Variants in EPB41L2 observed in about 807,000 individuals in gnomAD.
EPB41L2 encodes the protein erythrocyte membrane protein band 4.1 like 2.
In EPB41L2, 43 loss-of-function variants were observed where a neutral mutation model predicts 113.0. That is an observed-to-expected ratio of 0.38 (90% confidence interval 0.30 to 0.49). The LOEUF is 0.49. Ranked by LOEUF, EPB41L2 falls within the 20% of genes least tolerant of loss-of-function variation. The pLI is 0.95. For missense variants in EPB41L2, 1,147 were observed against 1,223.4 expected, an observed-to-expected ratio of 0.94 and a Z score of 0.93; for synonymous variants, 442 against 436.7, an observed-to-expected ratio of 1.01 and a Z score of -0.15.
intron 3 of EPB41L2, among the ~76,000 whole-genome samples, chr6:130,929,881 A>ACACACACACACACACACACACACACG: frequency 6.8e-6 from 1 of 147,944 alleles, no homozygotes; most frequent in South Asian, 2.2e-4. Context: ...ACACACACAC[A>ACACACACACACACACACACACACACG]CACACACACA....
rs1797203870 is a variant in EPB41L2 at position 130,904,605 on chromosome 6, T to G, written c.854-65A>C. ...AGAAGAATGACTATTGTGATAAAAT[T>G]TAAAGGTCAAGGATCAAACAGTACA... On this transcript the variant is annotated intron_variant, in intron 5 of 19. Transcript: ENST00000337057. 2.6e-6 allele frequency: 3 copies of G among 1,147,892 alleles called. No individual in the cohort carries two copies. In the East Asian group the frequency reaches 7.3e-5, roughly 28 times the overall value. The allele number at this position is 1,147,892 out of a possible 1,614,324, so 71.1% of individuals were successfully genotyped here.
intron 1 of EPB41L2, among the ~76,000 whole-genome samples, chr6:130,977,234 C>T (rs565098792): frequency 6.6e-6 from 1 of 152,150 alleles, no homozygotes; most frequent in African/African-American, 2.4e-5. Context: ...CTACATATGA[C>T]TGAGCAAAAT....
At chr6:130,947,085 C>A (rs1325691560) in intron 3 of EPB41L2, among the ~76,000 whole-genome samples, 1 of 143,082 alleles carries the variant, frequency 7.0e-6, no homozygotes, top group African/African-American at 2.7e-5. Flanking sequence ...ATCTAAACAG[C>A]GCCCTTGACT....
chr6:130,992,018 G>GA (rs948114883), intron 1 of EPB41L2, among the ~76,000 whole-genome samples: 21 of 150,744 alleles, frequency 1.4e-4, no homozygotes, highest in Non-Finnish European at 2.1e-4. Flanking sequence ...AGAAAAAAAA[G>GA]AAAAAAAAGA....
chr6:130,991,330 G>A (rs1781813075), intron 1 of EPB41L2, among the ~76,000 whole-genome samples: 1 of 152,200 alleles, frequency 6.6e-6, no homozygotes, highest in Non-Finnish European at 1.5e-5. Flanking sequence ...AGTAGCTTAA[G>A]AAACCAATCA....
At chr6:130,970,797 T>C (rs370886199) in intron 1 of EPB41L2, among the ~76,000 whole-genome samples, 8 of 152,184 alleles carry the variant, frequency 5.3e-5, no homozygotes, top group Admixed American at 1.3e-4. Flanking sequence ...CCTGAAACCA[T>C]TGACAGTACC....
intron 1 of EPB41L2, among the ~76,000 whole-genome samples, chr6:130,979,558 T>C (rs983693454): frequency 1.4e-5 from 2 of 148,046 alleles, no homozygotes; most frequent in Admixed American, 1.3e-4. Context: ...GAGACTAAGA[T>C]AGAAGCAATA....
chr6:130,911,824 A>G (rs1384991385), intron 4 of EPB41L2, among the ~76,000 whole-genome samples: 4 of 152,174 alleles, frequency 2.6e-5, no homozygotes, highest in Admixed American at 2.0e-4. Flanking sequence ...TTGAGGTACA[A>G]TAAACTAATT....
chr6:130,846,734 G>A (rs924414276), intron 19 of EPB41L2, among the ~76,000 whole-genome samples: 4 of 152,114 alleles, frequency 2.6e-5, no homozygotes, highest in Non-Finnish European at 5.9e-5. Flanking sequence ...CCTGAGCCCT[G>A]TGTCCTCTGA....
intron 1 of EPB41L2, among the ~76,000 whole-genome samples, chr6:130,989,030 A>G: frequency 6.6e-6 from 1 of 152,232 alleles, no homozygotes; most frequent in East Asian, 1.9e-4. Flanking sequence ...CAGAGGTTGC[A>G]GTGAGCCAAG....
intron 4 of EPB41L2, among the ~76,000 whole-genome samples, chr6:130,923,489 G>A (rs147001610): frequency 1.3e-3 from 199 of 152,170 alleles, no homozygotes; most frequent in African/African-American, 4.5e-3. Flanking sequence ...CCCACACCAG[G>A]CTTCTTTCCA....
chr6:130,962,613 G>C (rs372116812), intron 1 of EPB41L2, among the ~76,000 whole-genome samples: 24 of 152,242 alleles, frequency 1.6e-4, no homozygotes, highest in South Asian at 8.3e-4. Flanking sequence ...CTATTAGACA[G>C]AGCTATTACT....
intron 18 of EPB41L2, 170 bp from the exon 19 acceptor site, chr6:130,858,413 G>A (rs1780965385): frequency 1.9e-6 from 1 of 517,650 alleles, no homozygotes; most frequent in East Asian, 3.3e-5. Flanking sequence ...TCATTTTACA[G>A]ACTGCTTCTC....
At chr6:130,969,302 T>C (rs989455120) in intron 1 of EPB41L2, among the ~76,000 whole-genome samples, 11 of 152,156 alleles carry the variant, frequency 7.2e-5, no homozygotes, top group African/African-American at 2.4e-4. Flanking sequence ...ATATAGAGCA[T>C]CCCTAACAGT....
intron 1 of EPB41L2, among the ~76,000 whole-genome samples, chr6:130,969,972 T>G (rs939795244): frequency 2.6e-5 from 4 of 152,198 alleles, no homozygotes; most frequent in African/African-American, 9.7e-5. Context: ...ATGTTAAAGA[T>G]AGCCTGACAA....
At chr6:131,057,429 A>C (rs1797806407) in intron 1 of EPB41L2, among the ~76,000 whole-genome samples, 1 of 152,226 alleles carries the variant, frequency 6.6e-6, no homozygotes, top group African/African-American at 2.4e-5. Flanking sequence ...TTCTGGACAA[A>C]AAGAGAAAGA....
intron 1 of EPB41L2, among the ~76,000 whole-genome samples, chr6:131,038,052 C>A (rs537137596): frequency 6.6e-6 from 1 of 152,014 alleles, no homozygotes; most frequent in Non-Finnish European, 1.5e-5. Context: ...TCAATAAACA[C>A]GTATGTGGAT....
At chr6:130,877,366 C>T (rs938783729) in intron 14 of EPB41L2, among the ~76,000 whole-genome samples, 6 of 151,948 alleles carry the variant, frequency 3.9e-5, no homozygotes, top group Admixed American at 2.6e-4. Flanking sequence ...ATAAACGAGC[C>T]CATGGAAGTT....
chr6:130,923,238 G>C (rs1487124532), intron 4 of EPB41L2, among the ~76,000 whole-genome samples: 2 of 152,028 alleles, frequency 1.3e-5, no homozygotes, highest in African/African-American at 4.8e-5. Context: ...TTTGTGCTTT[G>C]GGTGTACAGC....
Sources: gnomAD v4.1 joint callset for allele counts (sites outside exome capture counted in the v4.1 genomes callset) on GRCh38, gnomAD v4.1.1 for gene constraint, MANE v1.5 for transcripts, NCBI Gene and HGNC (gene_info 2026-07-23, HGNC 2026-07-21) for gene names.